BRWD1: variants seen among roughly 807,000 people sequenced by gnomAD.
The protein encoded by BRWD1 is bromodomain and WD repeat-containing protein 1.
In BRWD1, 82 loss-of-function variants were observed where a neutral mutation model predicts 251.2. The observed-to-expected ratio is 0.33, with a 90% CI of 0.27 to 0.39. BRWD1 has a LOEUF of 0.39. Ranked by LOEUF, BRWD1 falls within the 10% of genes least tolerant of loss-of-function variation. The pLI is 1.00. For synonymous variants in BRWD1, 918 were observed against 902.8 expected, an observed-to-expected ratio of 1.02 and a Z score of -0.30; for missense variants, 2,233 against 2,711.6, an observed-to-expected ratio of 0.82 and a Z score of 3.92.
intron 29 of BRWD1, among the ~76,000 whole-genome samples, chr21:39,220,032 T>TA (rs577616900): frequency 1.5e-5 from 2 of 137,104 alleles, no homozygotes; most frequent in Admixed American, 7.7e-5. Context: ...TAAAGTGCTT[T>TA]AAAAAACACT....
intron 4 of BRWD1, among the ~76,000 whole-genome samples, chr21:39,307,493 A>T (rs2036327100): frequency 6.6e-6 from 1 of 152,192 alleles, no homozygotes; most frequent in South Asian, 2.1e-4. Flanking sequence ...TATTATATGT[A>T]TATATACTTG....
chr21:39,274,901 G>A (rs1054295662), intron 12 of BRWD1, among the ~76,000 whole-genome samples: 6 of 152,026 alleles, frequency 3.9e-5, no homozygotes, highest in Non-Finnish European at 7.4e-5. Context: ...TTAGCCAGGC[G>A]TGGTGGCACA....
rs567981502 is a variant in BRWD1, at chr21:39,289,736, G to C, written c.831+4075C>G. On this transcript the variant is annotated intron_variant, in intron 8 of 40. Transcript: ENST00000342449. ...TTCCGTTACTTCTATTAAGAAGCTA[G>C]CAATCAGGCCGGGCACGGTGGCTCA... Among the ~76,000 whole-genome samples the C allele has an allele frequency of 3.2e-4, 49 of 152,260 alleles. 2 individuals carry two copies. The highest frequency in any genetic ancestry group is 6.8e-3 in the Middle Eastern group (2 of 294).
At chr21:39,280,489 G>A (rs1304004344) in intron 8 of BRWD1, among the ~76,000 whole-genome samples, 3 of 152,142 alleles carry the variant, frequency 2.0e-5, no homozygotes, top group Middle Eastern at 3.4e-3. Flanking sequence ...TTAACAAGGT[G>A]GAGATCTAGT....
In BRWD1 at chr21:39,191,660, T is replaced by A. The variant is rs376572533; in HGVS notation, c.*4599A>T. The A allele has an allele frequency of 7.1e-6, 7 of 983,078 alleles. No individual in the cohort carries two copies. The South Asian group carries it at 2.4e-4, about 33-fold the overall frequency. The allele number at this position is 983,078 out of a possible 1,614,324, so 60.9% of individuals were successfully genotyped here. On this transcript the variant is annotated 3_prime_UTR_variant, in exon 41 of 41. Transcript: ENST00000342449. ...ACTTGAATATATCAAAAATTAAAGA[T>A]CCCTTTAACTTTTACCCACTGATCA...
In BRWD1 at chr21:39,188,872, T is replaced by C. The variant is rs1051782521; in HGVS notation, c.*7387A>G. On this transcript the variant is annotated 3_prime_UTR_variant, in exon 41 of 41. Coordinates refer to ENST00000342449, the MANE Select transcript of BRWD1 (RefSeq NM_033656.4). ...TAAGGGCACTATGTTTTGTTCAGTG[T>C]TCAGTCTCCAGGCATTGTAAATGGC... The C allele has an allele frequency of 8.1e-6, 8 of 985,278 alleles. No homozygotes were observed. The highest frequency in any genetic ancestry group is 1.7e-5 in the African/African-American group (1 of 57,216). The allele number at this position is 985,278 out of a possible 1,614,324, so 61.0% of individuals were successfully genotyped here. A position where few individuals can be genotyped will look rare whatever the true frequency, so the allele number is the denominator to read the frequency against.
chr21:39,291,522 G>A (rs1298507450), intron 8 of BRWD1, among the ~76,000 whole-genome samples: 1 of 152,148 alleles, frequency 6.6e-6, no homozygotes, highest in Non-Finnish European at 1.5e-5. Flanking sequence ...CTGACCACCA[G>A]ACATTTTGGT....
chr21:39,211,526 G>A (rs1411953466), intron 34 of BRWD1, among the ~76,000 whole-genome samples: 1 of 152,062 alleles, frequency 6.6e-6, no homozygotes, highest in Non-Finnish European at 1.5e-5. Context: ...CCAAGGTGAG[G>A]ACACCCACTA....
rs1236209017 is a variant in BRWD1, at chr21:39,312,961, GGGGGGCC to G, written c.139-68_139-62del. On this transcript the variant is annotated intron_variant, in intron 3 of 40. Transcript: ENST00000342449. ...CTCCGGCGCGGGGGGGGCGGGGGGC[GGGGGGCC>G]GGGGGCGGGCGGCGGGCGGCGGGCG... 18 of 434,802 alleles carry G rather than the reference GGGGGGCC, an allele frequency of 4.1e-5. No individual in the cohort carries two copies. In the Admixed American group the frequency reaches 7.6e-4, roughly 18 times the overall value. The allele number at this position is 434,802 out of a possible 1,614,324, so 26.9% of individuals were successfully genotyped here. A position where few individuals can be genotyped will look rare whatever the true frequency, so the allele number is the denominator to read the frequency against.
intron 8 of BRWD1, among the ~76,000 whole-genome samples, chr21:39,281,912 A>G (rs1175277447): frequency 9.6e-5 from 13 of 135,814 alleles, no homozygotes; most frequent in African/African-American, 3.5e-4. Flanking sequence ...GTATACATGT[A>G]TATATATACG....
chr21:39,248,380 G>A (rs892947593), intron 20 of BRWD1, among the ~76,000 whole-genome samples: 3 of 152,012 alleles, frequency 2.0e-5, no homozygotes, highest in African/African-American at 7.3e-5. Flanking sequence ...GGGAGGACAA[G>A]GCAGGCAGAT....
At chr21:39,253,617 C>G (rs994178201) in intron 19 of BRWD1, among the ~76,000 whole-genome samples, 2 of 152,168 alleles carry the variant, frequency 1.3e-5, no homozygotes, top group African/African-American at 2.4e-5. Context: ...TTTCTCATCA[C>G]AATTCCACAT....
chr21:39,314,259 C>G, upstream of BRWD1: 1 of 455,708 alleles, frequency 2.2e-6, no homozygotes, highest in South Asian at 1.5e-5. Context: ...GTTGCCGGAG[C>G]GTCTGCGGCG....
intron 29 of BRWD1, among the ~76,000 whole-genome samples, chr21:39,223,726 A>C (rs1241871465): frequency 6.6e-6 from 1 of 152,198 alleles, no homozygotes; most frequent in Non-Finnish European, 1.5e-5. Context: ...ATCCATAATA[A>C]GACAACTTGA....
chr21:39,197,077 G>A lies in BRWD1; in HGVS notation c.5992C>T (p.Pro1998Ser). Reference sequence around the variant, plus strand: ...CTACCTTCGGAGTCAGGATCAGGTGGCTTGCCTTCACAGGCATACTGTTCA... The same window carrying A: ...CTACCTTCGGAGTCAGGATCAGGTGACTTGCCTTCACAGGCATACTGTTCA... ...PSEQYACEGK[P>S]PDPDSEGSTK... The change falls in exon 41 of 41, where the codon CCA becomes TCA. Residue 1998 changes from proline to serine, a missense_variant. Physicochemically the swap from Pro to Ser is moderately conservative, Grantham distance 74. This residue lies in a region of BRWD1 where 928 missense variants were observed against 970.0 expected (regional missense o/e 0.96). Coordinates refer to ENST00000342449, the MANE Select transcript of BRWD1 (RefSeq NM_033656.4). The A allele has an allele frequency of 6.2e-7, 1 of 1,614,108 alleles. No individual in the cohort carries two copies. The highest frequency in any genetic ancestry group is 1.3e-5 in the African/African-American group (1 of 75,052).
At chr21:39,275,327 G>GT (rs999812234) in intron 12 of BRWD1, among the ~76,000 whole-genome samples, 1 of 151,618 alleles carries the variant, frequency 6.6e-6, no homozygotes, top group African/African-American at 2.4e-5. Flanking sequence ...TCTTAGAAAA[G>GT]TTTTTTTTAA....
rs1369302450 is a variant in BRWD1 at position 39,195,099 on chromosome 21, C to G, written c.*1160G>C. On this transcript the variant is annotated 3_prime_UTR_variant, in exon 41 of 41. Transcript: ENST00000342449. ...TTAAATGGATTATAAAATTATTTTC[C>G]CACAAAACATGACAGTTTCTTATAT... 13 of 1,199,126 alleles carry G rather than the reference C, an allele frequency of 1.1e-5. No individual in the cohort carries two copies. The East Asian group carries it at 5.9e-4, about 54-fold the overall frequency. The allele number at this position is 1,199,126 out of a possible 1,614,324, so 74.3% of individuals were successfully genotyped here.
chr21:39,208,693 G>A (rs1429090976), intron 36 of BRWD1, among the ~76,000 whole-genome samples: 2 of 151,880 alleles, frequency 1.3e-5, no homozygotes, highest in East Asian at 1.9e-4. Flanking sequence ...CTCATGCCTC[G>A]TGCCTATAGG....
chr21:39,273,486 A>T (rs997820628), intron 13 of BRWD1, among the ~76,000 whole-genome samples: 1 of 152,212 alleles, frequency 6.6e-6, no homozygotes, highest in Non-Finnish European at 1.5e-5. Context: ...TTCTGTTGTT[A>T]AAAACAAAGC....
Sources: allele counts gnomAD v4.1 joint callset (sites outside exome capture counted in the v4.1 genomes callset), GRCh38; gene constraint gnomAD v4.1.1; regional missense constraint gnomAD v4.1.1; transcripts MANE v1.5; gene names NCBI Gene and HGNC (gene_info 2026-07-23, HGNC 2026-07-21).